Variants in CSMD1 observed in about 807,000 individuals in gnomAD.
CSMD1 encodes CUB and Sushi multiple domains 1.
In CSMD1, 213 loss-of-function variants were observed where a neutral mutation model predicts 417.5. The observed-to-expected ratio is 0.51, with a 90% CI of 0.46 to 0.57. The LOEUF is 0.57. Among genes scored for constraint, CSMD1 ranks in the 20% least tolerant of loss-of-function variants. CSMD1 has a pLI of 0.00. For missense variants in CSMD1, 6,923 were observed against 4,529.7 expected, an observed-to-expected ratio of 1.53 and a Z score of -15.17; for synonymous variants, 2,862 against 1,736.8, an observed-to-expected ratio of 1.65 and a Z score of -16.11.
At chr8:4,380,699 C>T (rs976792135) in intron 3 of CSMD1, among the ~76,000 whole-genome samples, 3 of 152,122 alleles carry the variant, frequency 2.0e-5, no homozygotes, top group African/African-American at 7.2e-5. Context: ...ACATTAATAA[C>T]AGAGGATTGT....
chr8:4,102,298 G>C (rs542881316), intron 3 of CSMD1, among the ~76,000 whole-genome samples: 93 of 152,238 alleles, frequency 6.1e-4, no homozygotes, highest in African/African-American at 1.8e-3. Flanking sequence ...GAGAAATCAT[G>C]ATCTTAGCTT....
intron 2 of CSMD1, among the ~76,000 whole-genome samples, chr8:4,446,151 T>C (rs1050171302): frequency 6.6e-6 from 1 of 152,202 alleles, no homozygotes; most frequent in Non-Finnish European, 1.5e-5. Context: ...AGTTTTGAAC[T>C]GAAACCCATA....
intron 3 of CSMD1, among the ~76,000 whole-genome samples, chr8:4,388,952 A>T (rs565602134): frequency 1.2e-4 from 19 of 152,260 alleles, no homozygotes; most frequent in African/African-American, 4.3e-4. Context: ...TGCCATCTCT[A>T]CGTCTCTTAC....
At position 4,012,409 on chromosome 8, in the gene CSMD1, GATTT is replaced by G. The variant is rs1214634543; in HGVS notation, c.611-14303_611-14300del. On this transcript the variant is annotated intron_variant, in intron 4 of 69. Transcript: ENST00000635120. ...GATCTCATCCAGTTTGCGTCGCGTGGATTTATTTTTATGTTTTATTCTTAACTTT... is the reference window on the plus strand; with the variant it reads ...GATCTCATCCAGTTTGCGTCGCGTGGATTTTTATGTTTTATTCTTAACTTT... 2.0e-5 allele frequency among the ~76,000 whole-genome samples: 3 copies of G among 152,070 alleles called. 1 individual carries two copies. The highest frequency in any genetic ancestry group is 7.2e-5 in the African/African-American group (3 of 41,386).
chr8:4,054,288 G>C (rs1213091586), intron 3 of CSMD1, among the ~76,000 whole-genome samples: 1 of 37,670 alleles, frequency 2.7e-5, no homozygotes, highest in South Asian at 1.7e-3. Context: ...TGAAGATGTG[G>C]CTTCCACTTC....
At chr8:3,248,560 C>T (rs866575672) in intron 26 of CSMD1, among the ~76,000 whole-genome samples, 5 of 112,904 alleles carry the variant, frequency 4.4e-5, no homozygotes, top group Admixed American at 2.7e-4. Context: ...GACGTAGTCT[C>T]GCTCTGTCGC....
chr8:4,707,873 C>G, intron 1 of CSMD1, among the ~76,000 whole-genome samples: 1 of 121,694 alleles, frequency 8.2e-6, no homozygotes. Context: ...GGGACAAGAG[C>G]AAGACTTTGT....
At chr8:4,209,339 G>A (rs1460885621) in intron 3 of CSMD1, among the ~76,000 whole-genome samples, 1 of 152,044 alleles carries the variant, frequency 6.6e-6, no homozygotes, top group Non-Finnish European at 1.5e-5. Context: ...AAACTCACAG[G>A]GACAGAAAGA....
intron 2 of CSMD1, among the ~76,000 whole-genome samples, chr8:4,606,176 C>A (rs145981737): frequency 6.6e-6 from 1 of 152,300 alleles, no homozygotes; most frequent in African/African-American, 2.4e-5. Flanking sequence ...ACATAACTGT[C>A]ACTGGGCACT....
At chr8:3,336,054 A>G (rs1807241259) in intron 23 of CSMD1, among the ~76,000 whole-genome samples, 1 of 152,208 alleles carries the variant, frequency 6.6e-6, no homozygotes, top group Admixed American at 6.5e-5. Flanking sequence ...GTTAACGTAC[A>G]AAGTGCTTTG....
chr8:3,274,346 A>G (rs1485075022), intron 26 of CSMD1, among the ~76,000 whole-genome samples: 1 of 152,130 alleles, frequency 6.6e-6, no homozygotes, highest in Non-Finnish European at 1.5e-5. Context: ...CTTTACTTCC[A>G]ACTATGTGGT....
chr8:3,211,642 C>T (rs559781677), intron 30 of CSMD1, among the ~76,000 whole-genome samples: 3 of 152,316 alleles, frequency 2.0e-5, no homozygotes, highest in South Asian at 2.1e-4. Flanking sequence ...CTCAGCCCTG[C>T]GAGTCTTGTC....
At position 3,181,192 on chromosome 8, in the gene CSMD1, C is replaced by G. The variant is rs746817185; in HGVS notation, c.5643G>C (p.Leu1881=). 2 of 1,613,596 alleles carry G rather than the reference C, an allele frequency of 1.2e-6. No individual in the cohort carries two copies. Among genetic ancestry groups the G allele is most frequent in the Non-Finnish European group, 1.7e-6 (2 of 1,179,620 alleles). ...SFSGTTVPAL[L]NSTSNQLYLH... Reference sequence around the variant, plus strand: ...GGTAGAGTTGGTTGGAAGTACTGTTCAGCAGTGCCGGTACTGTGGTGCCTG... The same window carrying G: ...GGTAGAGTTGGTTGGAAGTACTGTTGAGCAGTGCCGGTACTGTGGTGCCTG... Residue 1881 remains leucine, a synonymous_variant, in exon 37 of 70, where the codon CTG becomes CTC. Transcript: ENST00000635120.
intron 3 of CSMD1, among the ~76,000 whole-genome samples, chr8:4,418,966 A>G (rs953572581): frequency 4.6e-5 from 7 of 152,196 alleles, no homozygotes; most frequent in Admixed American, 1.3e-4. Context: ...GTCTCTGCAA[A>G]GAGAACCTTC....
intron 1 of CSMD1, among the ~76,000 whole-genome samples, chr8:4,789,456 C>A (rs543151569): frequency 1.3e-5 from 2 of 152,100 alleles, no homozygotes; most frequent in Admixed American, 1.3e-4. Context: ...TACAAAATAA[C>A]GCATTTAAAC....
chr8:4,964,746 T>G lies in CSMD1; in HGVS notation c.85+29586A>C, dbSNP rs544378302. 1.4e-4 allele frequency among the ~76,000 whole-genome samples: 21 copies of G among 152,312 alleles called. No homozygotes were observed. The South Asian group carries it at 4.4e-3, about 32-fold the overall frequency. On this transcript the variant is annotated intron_variant, in intron 1 of 69. Transcript: ENST00000635120. ...AACTGAAAAAAAATGAAAACTTCTT[T>G]GTCATTGAACCTGACAAAAACTCAT...
intron 3 of CSMD1, among the ~76,000 whole-genome samples, chr8:4,297,441 G>C (rs144620999): frequency 2.0e-5 from 3 of 152,276 alleles, no homozygotes; most frequent in East Asian, 1.9e-4. Context: ...AGGAAAAACA[G>C]ACATCAGTTG....
chr8:4,491,932 G>C (rs1438390150), intron 2 of CSMD1, among the ~76,000 whole-genome samples: 2 of 151,746 alleles, frequency 1.3e-5, no homozygotes, highest in Non-Finnish European at 2.9e-5. Flanking sequence ...ATTTATAGCA[G>C]CTTTATTCAT....
intron 1 of CSMD1, among the ~76,000 whole-genome samples, chr8:4,842,576 T>G (rs902721799): frequency 6.6e-6 from 1 of 152,190 alleles, no homozygotes; most frequent in Non-Finnish European, 1.5e-5. Context: ...ATATTGAGCA[T>G]AGGGCACATG....
Sources: allele counts gnomAD v4.1 joint callset (sites outside exome capture counted in the v4.1 genomes callset), GRCh38; gene constraint gnomAD v4.1.1; transcripts MANE v1.5; gene names NCBI Gene and HGNC (gene_info 2026-07-23, HGNC 2026-07-21).